Variants in GRIK1 observed in about 807,000 individuals in gnomAD.
GRIK1 encodes glutamate ionotropic receptor kainate type subunit 1.
Under a neutral mutation model 105.7 loss-of-function variants are expected in GRIK1, and 69 were observed. The ratio of observed to expected loss-of-function variants is 0.65; its 90% CI spans 0.54 to 0.80. The LOEUF (loss-of-function observed/expected upper bound fraction) is 0.80. GRIK1 is among the 30% of genes least tolerant of loss of function. The pLI, the probability that GRIK1 is intolerant of heterozygous loss-of-function variation, is 0.00. For missense variants in GRIK1, 1,109 were observed against 1,167.3 expected (o/e 0.95, Z 0.73); for synonymous variants, 438 against 431.3 (o/e 1.02, Z -0.19).
intron 1 of GRIK1, among the ~76,000 whole-genome samples, chr21:29,712,510 G>C (rs2064082002): frequency 6.6e-6 from 1 of 151,960 alleles, no homozygotes; most frequent in African/African-American, 2.4e-5. Flanking sequence ...ACGAGTGTAT[G>C]AAAGTACTCA....
intron 1 of GRIK1, among the ~76,000 whole-genome samples, chr21:29,744,803 A>G (rs2065010640): frequency 1.3e-5 from 2 of 152,152 alleles, no homozygotes; most frequent in South Asian, 4.1e-4. Flanking sequence ...TTTACTGAGC[A>G]CTCACTATAT....
chr21:29,666,836 T>G (rs2079985651), intron 4 of GRIK1, among the ~76,000 whole-genome samples: 1 of 152,250 alleles, frequency 6.6e-6, no homozygotes, highest in Admixed American at 6.5e-5. Flanking sequence ...GACATCTTGT[T>G]GTACACAACA....
chr21:29,705,597 A>G (rs957403953), intron 1 of GRIK1, among the ~76,000 whole-genome samples: 1 of 152,250 alleles, frequency 6.6e-6, no homozygotes, highest in African/African-American at 2.4e-5. Flanking sequence ...GCTAATTTTA[A>G]TGAAAAGTTA....
chr21:29,728,682 G>A (rs140562938), intron 1 of GRIK1, among the ~76,000 whole-genome samples: 40 of 152,308 alleles, frequency 2.6e-4, no homozygotes, highest in South Asian at 6.2e-4. Flanking sequence ...TTCACCATGT[G>A]CTAGGCACTG....
chr21:29,596,780 T>G (rs1176866681), intron 8 of GRIK1: 1 of 580,426 alleles, frequency 1.7e-6, no homozygotes, highest in Non-Finnish European at 3.1e-6. Flanking sequence ...TACCTGGTGG[T>G]AAGACTCAAT....
chr21:29,761,838 C>T (rs566164044), intron 1 of GRIK1, among the ~76,000 whole-genome samples: 68 of 151,418 alleles, frequency 4.5e-4, no homozygotes, highest in African/African-American at 1.5e-3. Context: ...ACCTCCACCT[C>T]CCAGGTTCAA....
At chr21:29,754,917 C>G (rs2065296957) in intron 1 of GRIK1, among the ~76,000 whole-genome samples, 2 of 152,124 alleles carry the variant, frequency 1.3e-5, no homozygotes, top group African/African-American at 4.8e-5. Context: ...TCTCCACAGT[C>G]ATGTAGGCCA....
intron 1 of GRIK1, among the ~76,000 whole-genome samples, chr21:29,710,004 T>C (rs1243559046): frequency 6.6e-6 from 1 of 151,824 alleles, no homozygotes; most frequent in Non-Finnish European, 1.5e-5. Flanking sequence ...TATTAAACCA[T>C]TATTTATGGT....
chr21:29,671,227 AT>A (rs1568956510), intron 4 of GRIK1, among the ~76,000 whole-genome samples: 1 of 151,864 alleles, frequency 6.6e-6, no homozygotes, highest in Non-Finnish European at 1.5e-5. Context: ...GGTTCAAGTG[AT>A]TCTCCTGCCT....
chr21:29,724,142 A>G (rs1009425745), intron 1 of GRIK1, among the ~76,000 whole-genome samples: 24 of 152,262 alleles, frequency 1.6e-4, no homozygotes, highest in African/African-American at 5.8e-4. Context: ...AACCACAACT[A>G]CAAAATCGAT....
intron 1 of GRIK1, among the ~76,000 whole-genome samples, chr21:29,781,778 C>T (rs542977513): frequency 7.7e-4 from 108 of 139,470 alleles, no homozygotes; most frequent in Non-Finnish European, 1.4e-3. Context: ...TCACGCCATT[C>T]TCCTGCCTCA....
chr21:29,569,540 A>G (rs1704260452), intron 14 of GRIK1, among the ~76,000 whole-genome samples: 1 of 152,188 alleles, frequency 6.6e-6, no homozygotes, highest in Admixed American at 6.5e-5. Context: ...CCAGCATAAG[A>G]TGTTGGTCAT....
chr21:29,864,945 G>T (rs985090615), intron 1 of GRIK1, among the ~76,000 whole-genome samples: 1 of 152,132 alleles, frequency 6.6e-6, no homozygotes, highest in Non-Finnish European at 1.5e-5. Context: ...AGGGACAGAG[G>T]CCAAGTAATG....
chr21:29,914,484 T>C (rs73898541), intron 1 of GRIK1, among the ~76,000 whole-genome samples: 1,578 of 152,186 alleles, frequency 0.01, 27 homozygotes, highest in African/African-American at 0.036. Context: ...GCAGTCATCA[T>C]GAAGATGTCA....
chr21:29,575,678 A>T (rs1267823853), intron 14 of GRIK1, among the ~76,000 whole-genome samples: 2 of 152,010 alleles, frequency 1.3e-5, no homozygotes, highest in African/African-American at 4.8e-5. Context: ...CTAAAAATAC[A>T]AAAATTAGCC....
chr21:29,570,185 A>C (rs577248606), intron 14 of GRIK1, among the ~76,000 whole-genome samples: 6 of 152,224 alleles, frequency 3.9e-5, no homozygotes, highest in African/African-American at 1.4e-4. Context: ...TGTCAAGCAG[A>C]AATGAGAGGG....
chr21:29,830,320 C>CACAA (rs1317850381), intron 1 of GRIK1, among the ~76,000 whole-genome samples: 1,833 of 106,580 alleles, frequency 0.017, 61 homozygotes, highest in Admixed American at 0.1. Flanking sequence ...CACACACACA[C>CACAA]ACACACACAC....
chr21:29,839,848 T>TTA (rs2067927015), intron 1 of GRIK1, among the ~76,000 whole-genome samples: 3 of 152,194 alleles, frequency 2.0e-5, no homozygotes, highest in Non-Finnish European at 4.4e-5. Flanking sequence ...AGAACACTAA[T>TTA]CTCGCTGGTG....
intron 1 of GRIK1, among the ~76,000 whole-genome samples, chr21:29,881,882 C>A (rs1425322552): frequency 6.6e-6 from 1 of 152,090 alleles, no homozygotes; most frequent in African/African-American, 2.4e-5. Flanking sequence ...AAAAGACAAT[C>A]TTTTACAATT....
Sources: allele counts gnomAD v4.1 joint callset (sites outside exome capture counted in the v4.1 genomes callset), GRCh38; gene constraint gnomAD v4.1.1; transcripts MANE v1.5; gene names NCBI Gene and HGNC (gene_info 2026-07-23, HGNC 2026-07-21).